Variants in PROKR2 observed in about 807,000 individuals in gnomAD.
PROKR2 encodes prokineticin receptor 2, also known as G protein-coupled receptor 73-like 1.
Under a neutral mutation model 23.4 loss-of-function variants are expected in PROKR2, and 26 were observed. The ratio of observed to expected loss-of-function variants is 1.11; its 90% CI spans 0.81 to 1.54. The LOEUF (loss-of-function observed/expected upper bound fraction) is 1.54, where lower values mean the gene tolerates loss of function less well. Ranked by LOEUF, PROKR2 falls within the 40% of genes most tolerant of loss-of-function variation. The pLI, the probability that PROKR2 is intolerant of heterozygous loss-of-function variation, is 0.00. For synonymous variants in PROKR2, 212 were observed against 201.2 expected, an observed-to-expected ratio of 1.05 and a Z score of -0.45; for missense variants, 453 against 511.5, an observed-to-expected ratio of 0.89 and a Z score of 1.10.
chr20:5,300,670 A>C lies in PROKR2; in HGVS notation c.*1370T>G, dbSNP rs775798696. On this transcript the variant is annotated 3_prime_UTR_variant, in exon 3 of 3. Transcript: ENST00000678254. The stretch of plus-strand genomic sequence containing the variant: ...GAGACACAGAGAGAAAACATCATGA[A>C]TTTAGGACTTGAGTCTTAGAGTTAG... 2.0e-5 allele frequency among the ~76,000 whole-genome samples: 3 copies of C among 152,202 alleles called. No homozygotes were observed. Among genetic ancestry groups the C allele is most frequent in the Non-Finnish European group, 4.4e-5 (3 of 68,028 alleles).
At chr20:5,308,184 G>A (rs149450393) in intron 2 of PROKR2, among the ~76,000 whole-genome samples, 1,759 of 93,888 alleles carry the variant, frequency 0.019, 34 homozygotes, top group African/African-American at 0.08. Flanking sequence ...GGGACATGTT[G>A]GGAACAGGCC....
In PROKR2 at chr20:5,316,859, C is replaced by T. The variant is rs187717039; in HGVS notation, c.-374G>A. ...CCGCGTGCTCTCGGGCTGGTGCGTC[C>T]AGGGCGCGGGCACCGTAGCTCCGGC... On this transcript the variant is annotated 5_prime_UTR_variant, in exon 1 of 3. Transcript: ENST00000678254. The surrounding 1 kb of genome is among the most constrained non-coding windows in gnomAD (Gnocchi z 5.0). Among the ~76,000 whole-genome samples the T allele has an allele frequency of 2.6e-3, 397 of 152,382 alleles. 2 individuals carry two copies. The highest frequency in any genetic ancestry group is 5.0e-3 in the Non-Finnish European group (338 of 68,044).
At chr20:5,305,303 T>G (rs1289214833) in intron 2 of PROKR2, among the ~76,000 whole-genome samples, 4 of 152,226 alleles carry the variant, frequency 2.6e-5, no homozygotes, top group Non-Finnish European at 5.9e-5. Flanking sequence ...AGTAGATTTA[T>G]GCTGCACAAA....
chr20:5,314,573 T>C (rs999561225), intron 1 of PROKR2, among the ~76,000 whole-genome samples, 196 bp from the exon 2 acceptor site: 1 of 152,130 alleles, frequency 6.6e-6, no homozygotes, highest in African/African-American at 2.4e-5. Flanking sequence ...TCCCCAAGTA[T>C]AGGCCAACCA....
At chr20:5,306,777 A>AATAGG (rs1979236732) in intron 2 of PROKR2, among the ~76,000 whole-genome samples, 4 of 152,238 alleles carry the variant, frequency 2.6e-5, no homozygotes, top group Admixed American at 2.6e-4. Context: ...AAGGGGGAGA[A>AATAGG]ATAGGGATTA....
rs1312883448 is a variant in PROKR2, at chr20:5,316,146, G to A, written c.-9+348C>T. The A allele has an allele frequency of 2.2e-6, 1 of 456,512 alleles. No homozygotes were observed. The highest frequency in any genetic ancestry group is 2.3e-5 in the Admixed American group (1 of 42,568). 28.3% of individuals were successfully genotyped at this position (456,512 alleles called of 1,614,324 possible). ...ATGCGGTGCGCGGGAATTTCCCCACGGACGCTTGCTGTTTCCTGCTCACCT... is the reference window on the plus strand; with the variant it reads ...ATGCGGTGCGCGGGAATTTCCCCACAGACGCTTGCTGTTTCCTGCTCACCT... On this transcript the variant is annotated intron_variant, in intron 1 of 2. Transcript: ENST00000678254. The surrounding 1 kb of genome is among the most constrained non-coding windows in gnomAD (Gnocchi z 5.0).
chr20:5,308,694 G>A (rs530622898), intron 2 of PROKR2, among the ~76,000 whole-genome samples: 6 of 152,180 alleles, frequency 3.9e-5, no homozygotes, highest in African/African-American at 9.6e-5. Context: ...GGGTCTCCCC[G>A]ACCGAGCTGG....
At chr20:5,312,787 C>T (rs376693790) in intron 2 of PROKR2, among the ~76,000 whole-genome samples, 7 of 152,190 alleles carry the variant, frequency 4.6e-5, no homozygotes, top group Non-Finnish European at 1.0e-4. Context: ...ACTGCCCCCT[C>T]GAACAGAGCC....
At chr20:5,312,479 G>A (rs1979480339) in intron 2 of PROKR2, among the ~76,000 whole-genome samples, 1 of 152,198 alleles carries the variant, frequency 6.6e-6, no homozygotes, top group Non-Finnish European at 1.5e-5. Flanking sequence ...TTGGTTGATA[G>A]GTACACATTT....
chr20:5,304,232 G>A (rs1428928997), intron 2 of PROKR2, among the ~76,000 whole-genome samples: 1 of 152,128 alleles, frequency 6.6e-6, no homozygotes, highest in African/African-American at 2.4e-5. Context: ...TGATTTAGAG[G>A]CTTGGCAGTT....
In PROKR2 at chr20:5,301,695, C is replaced by A. The variant is rs941689808; in HGVS notation, c.*345G>T. 6.6e-6 allele frequency among the ~76,000 whole-genome samples: 1 copy of A among 152,118 alleles called. No individual in the cohort carries two copies. The highest frequency in any genetic ancestry group is 2.1e-4 in the South Asian group (1 of 4,822). ...TAATCAAATCAAGTGTTTTTTATTA[C>A]AGTAGGTGAAGAGTAAATGTCAGCT... On this transcript the variant is annotated 3_prime_UTR_variant, in exon 3 of 3. Transcript: ENST00000678254.
In PROKR2 at chr20:5,303,641, C is replaced by T. The variant is rs7268946; in HGVS notation, c.459-905G>A. On this transcript the variant is annotated intron_variant, in intron 2 of 2. Coordinates refer to ENST00000678254, the MANE Select transcript of PROKR2 (RefSeq NM_144773.4). ...CTTTCTTTCCAGAGAGACCTAATGA[C>T]ACCTATTTAGACACCTGGTGCCCTG... Among the ~76,000 whole-genome samples the T allele has an allele frequency of 2.4e-3, 371 of 152,172 alleles. 1 individual carries two copies. Among genetic ancestry groups the T allele is most frequent in the African/African-American group, 8.6e-3 (359 of 41,516 alleles).
At chr20:5,307,665 T>A (rs949601539) in intron 2 of PROKR2, among the ~76,000 whole-genome samples, 1 of 152,244 alleles carries the variant, frequency 6.6e-6, no homozygotes, top group African/African-American at 2.4e-5. Flanking sequence ...GGCCACACTA[T>A]GTTCAGCTGG....
rs2019051 is a variant in PROKR2 at position 5,301,470 on chromosome 20, T to A, written c.*570A>T. On this transcript the variant is annotated 3_prime_UTR_variant, in exon 3 of 3. Transcript: ENST00000678254. ...TGGGTTGAACTCCTGACCTCAAGTG[T>A]TCCACGTGCCTCAGCCTCCCCAAGT... is the stretch of plus-strand genomic sequence containing the variant. Among the ~76,000 whole-genome samples the A allele has an allele frequency of 0.73, 111,137 of 152,054 alleles. 40,603 individuals are homozygous for A. The highest frequency in any genetic ancestry group is 0.77 in the South Asian group (3,707 of 4,822).
At chr20:5,312,250 G>A (rs1168535835) in intron 2 of PROKR2, among the ~76,000 whole-genome samples, 1 of 152,106 alleles carries the variant, frequency 6.6e-6, no homozygotes, top group East Asian at 1.9e-4. Context: ...GGGATTACAG[G>A]CACCCGCCAC....
chr20:5,302,025 T>A lies in PROKR2; in HGVS notation c.*15A>T, dbSNP rs374968957. Reference sequence around the variant, plus strand: ...AGTACTGGACTGGGGTTTTCAATTGTGTGACACCAGTGGGTCACTTCAGCC... The same window carrying A: ...AGTACTGGACTGGGGTTTTCAATTGAGTGACACCAGTGGGTCACTTCAGCC... On this transcript the variant is annotated 3_prime_UTR_variant, in exon 3 of 3. Coordinates refer to ENST00000678254, the MANE Select transcript of PROKR2 (RefSeq NM_144773.4). 13 of 1,610,510 alleles carry A rather than the reference T, an allele frequency of 8.1e-6. No individual in the cohort carries two copies. In the African/African-American group the frequency reaches 1.7e-4, roughly 22 times the overall value.
At position 5,299,868 on chromosome 20, in the gene PROKR2, G is replaced by A. The variant is rs1978923910; in HGVS notation, c.*2172C>T. 6.6e-6 allele frequency among the ~76,000 whole-genome samples: 1 copy of A among 152,110 alleles called. No homozygotes were observed. ...TTGAACTCCTGACCTCAGGTGATCTGCCCATCTTGGCCTCCCGAAGTGCTG... is the reference window on the plus strand; with the variant it reads ...TTGAACTCCTGACCTCAGGTGATCTACCCATCTTGGCCTCCCGAAGTGCTG... On this transcript the variant is annotated 3_prime_UTR_variant, in exon 3 of 3. Coordinates refer to ENST00000678254, the MANE Select transcript of PROKR2 (RefSeq NM_144773.4).
At position 5,301,891 on chromosome 20, in the gene PROKR2, A is replaced by AT. The variant is rs1979001783; in HGVS notation, c.*148dup. The AT allele has an allele frequency of 1.5e-6, 1 of 661,930 alleles. No individual in the cohort carries two copies. Among genetic ancestry groups the AT allele is most frequent in the Non-Finnish European group, 2.6e-6 (1 of 381,488 alleles). The allele number at this position is 661,930 out of a possible 1,614,324, so 41.0% of individuals were successfully genotyped here. On this transcript the variant is annotated 3_prime_UTR_variant, in exon 3 of 3. Transcript: ENST00000678254. ...TTTGGTTCATGTCTAGTCTCATTGTATGTTACGACTTTGCAGCATTCAGCT... is the reference window on the plus strand; with the variant it reads ...TTTGGTTCATGTCTAGTCTCATTGTATTGTTACGACTTTGCAGCATTCAGCT...
At position 5,311,863 on chromosome 20, in the gene PROKR2, C is replaced by T. The variant is rs145811281; in HGVS notation, c.458+2049G>A. Among the ~76,000 whole-genome samples the T allele has an allele frequency of 4.3e-3, 657 of 152,318 alleles. 7 individuals carry two copies. The highest frequency in any genetic ancestry group is 0.015 in the African/African-American group (618 of 41,562). ...TTCAGTTTTGGAACTCGGACTGGCT[C>T]TCCTTTCTTCTCAGCCTGCATATGG... is the stretch of plus-strand genomic sequence containing the variant. On this transcript the variant is annotated intron_variant, in intron 2 of 2. Transcript: ENST00000678254.
Sources: gnomAD v4.1 joint callset for allele counts (sites outside exome capture counted in the v4.1 genomes callset) on GRCh38, gnomAD v4.1.1 for gene constraint, Gnocchi (gnomAD v3.1) non-coding constraint, MANE v1.5 for transcripts, NCBI Gene and HGNC (gene_info 2026-07-23, HGNC 2026-07-21) for gene names.